Variants in C2orf15 observed in about 807,000 individuals in gnomAD.
The protein encoded by C2orf15 is chromosome 2 open reading frame 15, also known as uncharacterized protein C2orf15.
A neutral mutation model predicts 4.4 loss-of-function variants in C2orf15; 3 were observed. The ratio of observed to expected loss-of-function variants is 0.67; its 90% CI spans 0.31 to 1.74. The LOEUF is 1.74. Ranked by LOEUF, C2orf15 falls within the 40% of genes most tolerant of loss-of-function variation. The pLI, the probability that C2orf15 is intolerant of heterozygous loss-of-function variation, is 0.09. For synonymous variants in C2orf15, 37 were observed against 36.8 expected, an observed-to-expected ratio of 1.00 and a Z score of -0.02; for missense variants, 90 against 103.3, an observed-to-expected ratio of 0.87 and a Z score of 0.56.
intron 2 of C2orf15, among the ~76,000 whole-genome samples, chr2:99,142,754 T>G (rs1355984563): frequency 6.6e-6 from 1 of 152,202 alleles, no homozygotes; most frequent in Non-Finnish European, 1.5e-5. Context: ...CCTCTTCAGA[T>G]ACTAAGATTA....
Position 99,144,704 on chromosome 2 carries a change from T to C in C2orf15, c.-169+2303T>C, listed in dbSNP as rs72959115. On this transcript the variant is annotated intron_variant, in intron 2 of 3. Coordinates refer to ENST00000650052, the MANE Select transcript of C2orf15 (RefSeq NM_144706.4). ...AAAGCATGAGGATAAGTCTGGTCTCTGTTACTCCATCATGACTAGCAGCAG... is the reference window on the plus strand; with the variant it reads ...AAAGCATGAGGATAAGTCTGGTCTCCGTTACTCCATCATGACTAGCAGCAG... Among the ~76,000 whole-genome samples, 703 of 148,882 alleles carry C rather than the reference T, an allele frequency of 4.7e-3. 10 individuals are homozygous for C. Among genetic ancestry groups the C allele is most frequent in the African/African-American group, 0.016 (668 of 40,664 alleles).
At chr2:99,144,649 CAAAAAAAAAAA>C (rs70940140) in intron 2 of C2orf15, among the ~76,000 whole-genome samples, 23 of 52,258 alleles carry the variant, frequency 4.4e-4, no homozygotes, top group Non-Finnish European at 7.0e-4. Flanking sequence ...AACTCTGTCT[CAAAAAAAAAAA>C]AAAAAAAAAA....
At chr2:99,145,935 C>A (rs1410672454) in intron 2 of C2orf15, among the ~76,000 whole-genome samples, 1 of 152,140 alleles carries the variant, frequency 6.6e-6, no homozygotes, top group Non-Finnish European at 1.5e-5. Context: ...CATTCGAGAC[C>A]AGCCTGGGCA....
chr2:99,143,315 G>GTT (rs1313461568), intron 2 of C2orf15, among the ~76,000 whole-genome samples: 1 of 146,958 alleles, frequency 6.8e-6, no homozygotes, highest in African/African-American at 2.5e-5. Flanking sequence ...CTTTTTTTTT[G>GTT]TTTGTTTTTT....
rs891212687 is a variant in C2orf15 at position 99,142,291 on chromosome 2, T to A, written c.-279T>A. The stretch of plus-strand genomic sequence containing the variant: ...TTATCTCCTTTTCCTGCAGATGACA[T>A]AGACACTAGGTTTTTACAGCAATTC... On this transcript the variant is annotated 5_prime_UTR_variant, in exon 2 of 4. The change abolishes the stop of an existing upstream ORF in the 5' untranslated region. Coordinates refer to ENST00000650052, the MANE Select transcript of C2orf15 (RefSeq NM_144706.4). The A allele has an allele frequency of 6.6e-6, 1 of 152,220 alleles. No homozygotes were observed. Among genetic ancestry groups the A allele is most frequent in the African/African-American group, 2.4e-5 (1 of 41,456 alleles). The allele number at this position is 152,220 out of a possible 1,614,324, so 9.4% of individuals were successfully genotyped here.
Position 99,150,181 on chromosome 2 carries a change from C to T in C2orf15, c.-76-302C>T, listed in dbSNP as rs549023425. Among the ~76,000 whole-genome samples the T allele has an allele frequency of 3.9e-5, 6 of 152,242 alleles. No individual in the cohort carries two copies. The South Asian group carries it at 1.0e-3, about 26-fold the overall frequency. The stretch of plus-strand genomic sequence containing the variant: ...TGGCCTTCAGTCGTTATTTCTTTAG[C>T]CCATTAGTAATGAATAAAGAGGTTT... On this transcript the variant is annotated intron_variant, in intron 3 of 3. Transcript: ENST00000650052.
chr2:99,150,392 T>C (rs2093680596), intron 3 of C2orf15, 91 bp from the exon 4 acceptor site: 1 of 690,772 alleles, frequency 1.4e-6, no homozygotes, highest in Admixed American at 3.3e-5. Context: ...ATATTTCTAG[T>C]ATCACCACAG....
chr2:99,145,496 T>A (rs1424465674), intron 2 of C2orf15, among the ~76,000 whole-genome samples: 1 of 151,386 alleles, frequency 6.6e-6, no homozygotes, highest in Admixed American at 6.6e-5. Context: ...AGGCGGAGGC[T>A]GCAGTCACCC....
In C2orf15 at chr2:99,150,907, CCTT is replaced by C. The variant is rs2093687720; in HGVS notation, c.*74_*76del. ...AGGGGGGTGTTGAAAGAGAACTTAA[CCTT>C]ATTAGGAAACCCTGACAAAATGATG... On this transcript the variant is annotated 3_prime_UTR_variant, in exon 4 of 4. Transcript: ENST00000650052. The C allele has an allele frequency of 1.0e-6, 1 of 959,462 alleles. No homozygotes were observed. Among genetic ancestry groups the C allele is most frequent in the South Asian group, 1.7e-5 (1 of 58,882 alleles). 59.4% of individuals were successfully genotyped at this position (959,462 alleles called of 1,614,324 possible).
intron 2 of C2orf15, among the ~76,000 whole-genome samples, chr2:99,146,208 A>G (rs1358326003): frequency 6.6e-6 from 1 of 152,252 alleles, no homozygotes; most frequent in South Asian, 2.1e-4. Flanking sequence ...ATGTGAACCC[A>G]GAAAGGCGGA....
chr2:99,150,081 C>T (rs181745635), intron 3 of C2orf15, among the ~76,000 whole-genome samples: 1,637 of 152,194 alleles, frequency 0.011, 10 homozygotes, highest in Middle Eastern at 0.024. Flanking sequence ...CGTGGGCCAC[C>T]GCACCCAGCC....
intron 2 of C2orf15, among the ~76,000 whole-genome samples, chr2:99,143,983 T>C (rs1265759159): frequency 1.3e-5 from 2 of 152,248 alleles, no homozygotes; most frequent in African/African-American, 4.8e-5. Flanking sequence ...GTTAAGCCAC[T>C]TGATCTTGTT....
intron 2 of C2orf15, among the ~76,000 whole-genome samples, chr2:99,143,141 T>A (rs2093591671): frequency 7.9e-6 from 1 of 126,994 alleles, no homozygotes; most frequent in African/African-American, 3.2e-5. Flanking sequence ...ACCTTTTTTT[T>A]TTTTTTTTTT....
In C2orf15 at chr2:99,150,745, ACTGG is replaced by A; in HGVS notation, c.189_192del (p.Gly64GlnfsTer21). 6.2e-7 allele frequency: 1 copy of A among 1,613,918 alleles called. No individual in the cohort carries two copies. Among genetic ancestry groups the A allele is most frequent in the South Asian group, 1.1e-5 (1 of 91,070 alleles). On this transcript the variant is annotated frameshift_variant, in exon 4 of 4. Coordinates refer to ENST00000650052, the MANE Select transcript of C2orf15 (RefSeq NM_144706.4). LOFTEE classifies it high-confidence loss of function. ...AGAAAACTTTACAAGGATTGAAGGG[ACTGG>A]CACAGGATCTCTTTCTGGGAAAGCC...
chr2:99,149,039 C>T lies in C2orf15; in HGVS notation c.-76-1444C>T, dbSNP rs111768079. Among the ~76,000 whole-genome samples the T allele has an allele frequency of 4.8e-3, 734 of 151,910 alleles. 10 individuals carry two copies. The highest frequency in any genetic ancestry group is 0.017 in the African/African-American group (692 of 41,438). ...TACAAACATTAGCTGGGCCTGGTGG[C>T]GGGCACCTGTAATCCCAGCTACTCA... On this transcript the variant is annotated intron_variant, in intron 3 of 3. Coordinates refer to ENST00000650052, the MANE Select transcript of C2orf15 (RefSeq NM_144706.4).
At chr2:99,150,348 G>A (rs761279988) in intron 3 of C2orf15, 135 bp from the exon 4 acceptor site, 150 of 533,806 alleles carry the variant, frequency 2.8e-4, no homozygotes, top group Admixed American at 1.8e-4. Context: ...CAAAGAAAAT[G>A]TAAACACTGA....
chr2:99,143,583 G>GC (rs2093600923), intron 2 of C2orf15, among the ~76,000 whole-genome samples: 1 of 151,632 alleles, frequency 6.6e-6, no homozygotes, highest in Admixed American at 6.6e-5. Context: ...CAGTTCTCCT[G>GC]CCTTAGCCCC....
chr2:99,144,512 C>CG (rs1448650019), intron 2 of C2orf15, among the ~76,000 whole-genome samples: 1 of 151,398 alleles, frequency 6.6e-6, no homozygotes, highest in East Asian at 2.0e-4. Flanking sequence ...AGGCGGGGCA[C>CG]GGTGGCTCAT....
chr2:99,144,843 G>C (rs116491767), intron 2 of C2orf15, among the ~76,000 whole-genome samples: 76 of 152,206 alleles, frequency 5.0e-4, no homozygotes, highest in Non-Finnish European at 8.8e-4. Flanking sequence ...CAAAGGTCCT[G>C]AAGCAGGAGA....
Sources: allele counts gnomAD v4.1 joint callset (sites outside exome capture counted in the v4.1 genomes callset), GRCh38; gene constraint gnomAD v4.1.1; transcripts MANE v1.5; gene names NCBI Gene and HGNC (gene_info 2026-07-23, HGNC 2026-07-21).